The following MGST2 variants were observed in gnomAD, a reference collection of about 807,000 sequenced individuals.
The protein encoded by MGST2 is glutathione peroxidase MGST2.
MGST2 carries 9 observed loss-of-function variants against 16.6 expected under a neutral mutation model. The observed-to-expected ratio is 0.54, with a 90% CI of 0.33 to 0.95. The LOEUF (loss-of-function observed/expected upper bound fraction) is 0.95. MGST2 is among the 40% of genes least tolerant of loss of function. The pLI is 0.03. For synonymous variants in MGST2, 79 were observed against 68.0 expected, an observed-to-expected ratio of 1.16 and a Z score of -0.79; for missense variants, 159 against 175.1, an observed-to-expected ratio of 0.91 and a Z score of 0.52.
chr4:139,752,880 T>G, the MGST2 span, among the ~76,000 whole-genome samples: 2 of 152,196 alleles, frequency 1.3e-5, no homozygotes, highest in South Asian at 4.1e-4. Flanking sequence ...AGCTACTTCC[T>G]TGTGGTGACA....
rs200037455 is a variant in MGST2 at position 139,739,679 on chromosome 4, G to GTTTCTTTTTTTT, written c.*49-530_*49-529insCTTTTTTTTTTT. On this transcript the variant is annotated intron_variant, in intron 5 of 5. Transcript: ENST00000616265. ...TTAAGAAAGGCAGGGGAGGAAAGCA[G>GTTTCTTTTTTTT]TTTTTTTTTTTTTTTCTTTTATGTC... 7.6e-5 allele frequency among the ~76,000 whole-genome samples: 10 copies of GTTTCTTTTTTTT among 132,354 alleles called. 1 individual carries two copies. The highest frequency in any genetic ancestry group is 8.5e-5 in the African/African-American group (3 of 35,346). 86.8% of individuals were successfully genotyped at this position (132,354 alleles called of 152,430 possible).
chr4:139,748,174 A>G, the MGST2 span, among the ~76,000 whole-genome samples: 3 of 152,116 alleles, frequency 2.0e-5, no homozygotes, highest in South Asian at 6.2e-4. Flanking sequence ...AGATACCCAC[A>G]GGCTCTAAGA....
At chr4:139,734,653 A>G (rs1271013748) in intron 5 of MGST2, among the ~76,000 whole-genome samples, 3 of 152,266 alleles carry the variant, frequency 2.0e-5, no homozygotes. Flanking sequence ...TCCCCCAAAC[A>G]GGCAGTTTTC....
At chr4:139,716,293 G>A (rs1727955454) in intron 5 of MGST2, among the ~76,000 whole-genome samples, 2 of 152,204 alleles carry the variant, frequency 1.3e-5, no homozygotes, top group Non-Finnish European at 2.9e-5. Context: ...AAGTGGCCTG[G>A]TAGGAGTGGG....
At position 139,735,142 on chromosome 4, in the gene MGST2, A is replaced by T. The variant is rs1334539715; in HGVS notation, c.*49-5070A>T. Among the ~76,000 whole-genome samples the T allele has an allele frequency of 6.6e-6, 1 of 152,230 alleles. No individual in the cohort carries two copies. The highest frequency in any genetic ancestry group is 1.9e-4 in the East Asian group (1 of 5,184). On this transcript the variant is annotated intron_variant, in intron 5 of 5. Coordinates refer to the MGST2 transcript ENST00000616265. This position sits in a 1 kb window ranked among gnomAD's most constrained non-coding sequence, Gnocchi z 5.8. ...GCCAGGCAGTCAAGTGTTACTGCGT[A>T]CAGCAGGTAGCCTGGCAACTGAGAG...
At chr4:139,687,313 C>G (rs1731616208) in intron 2 of MGST2, among the ~76,000 whole-genome samples, 1 of 152,224 alleles carries the variant, frequency 6.6e-6, no homozygotes, top group African/African-American at 2.4e-5. Context: ...ATTTTCCCAG[C>G]CCTAGCCCAA....
intron 3 of MGST2, among the ~76,000 whole-genome samples, chr4:139,698,793 C>A (rs1427180468): frequency 2.0e-5 from 3 of 151,586 alleles, no homozygotes; most frequent in Non-Finnish European, 2.9e-5. Context: ...TTTTTCTTTT[C>A]TTATCTTTTC....
intron 3 of MGST2, among the ~76,000 whole-genome samples, chr4:139,702,843 G>GTTTTTTTTTTTTTTTTTTTT (rs1727325108): frequency 1.1e-4 from 3 of 27,604 alleles, no homozygotes; most frequent in Non-Finnish European, 2.5e-4. Flanking sequence ...TTGTGTTACT[G>GTTTTTTTTTTTTTTTTTTTT]GTTTTTTTTT....
At chr4:139,720,107 A>T (rs1728171342) in intron 5 of MGST2, 1 of 1,613,966 alleles carries the variant, frequency 6.2e-7, no homozygotes, top group African/African-American at 1.3e-5. Flanking sequence ...CATTTGGGTC[A>T]TGCCTGTGCT....
chr4:139,691,475 C>G (rs1702477677), intron 2 of MGST2, among the ~76,000 whole-genome samples: 1 of 152,102 alleles, frequency 6.6e-6, no homozygotes, highest in African/African-American at 2.4e-5. Context: ...TTGTGGGACA[C>G]CATCCAGGCC....
At chr4:139,676,365 C>T (rs565890757) in intron 1 of MGST2, among the ~76,000 whole-genome samples, 208 of 152,274 alleles carry the variant, frequency 1.4e-3, no homozygotes, top group Middle Eastern at 3.4e-3. Context: ...AATACACACA[C>T]TCACACATAG....
downstream of MGST2, among the ~76,000 whole-genome samples, chr4:139,744,771 C>T (rs1425469297): frequency 2.0e-5 from 3 of 152,100 alleles, no homozygotes; most frequent in Non-Finnish European, 4.4e-5. Context: ...CACGGAAAAG[C>T]TCAAAGATGA....
intron 2 of MGST2, among the ~76,000 whole-genome samples, chr4:139,686,052 T>G (rs2110847798): frequency 6.6e-6 from 1 of 152,340 alleles, no homozygotes; most frequent in South Asian, 2.1e-4. Context: ...CCAGTTTGTT[T>G]GGGGTGCAAC....
Position 139,735,099 on chromosome 4 carries a change from G to A in MGST2, c.*49-5113G>A, listed in dbSNP as rs530400620. On this transcript the variant is annotated intron_variant, in intron 5 of 5. Transcript: ENST00000616265. This position sits in a 1 kb window ranked among gnomAD's most constrained non-coding sequence, Gnocchi z 5.8. ...CGGCCCCCGCCCCGCGCGTCTGGGC[G>A]AGCGCTGCGAACGTGGAGCCAGGCA... Among the ~76,000 whole-genome samples, 14 of 152,314 alleles carry A rather than the reference G, an allele frequency of 9.2e-5. No individual in the cohort carries two copies. In the East Asian group the frequency reaches 1.6e-3, roughly 17 times the overall value.
rs112330014 is a variant in MGST2, at chr4:139,710,557, G to A, written c.*48+6361G>A. Among the ~76,000 whole-genome samples, 509 of 152,094 alleles carry A rather than the reference G, an allele frequency of 3.3e-3. 3 individuals are homozygous for A. The highest frequency in any genetic ancestry group is 0.031 in the Middle Eastern group (9 of 294). On this transcript the variant is annotated intron_variant, in intron 5 of 5. Transcript: ENST00000616265. The stretch of plus-strand genomic sequence containing the variant: ...TCCCCCTGTGCCCTCCCTCCACCCC[G>A]GAATCAGTTCATTTTCTCTCCCATG...
At chr4:139,697,718 T>C (rs1429288675) in intron 3 of MGST2, among the ~76,000 whole-genome samples, 6 of 152,186 alleles carry the variant, frequency 3.9e-5, no homozygotes, top group Non-Finnish European at 8.8e-5. Context: ...ACAACTCAGT[T>C]AGAAAAGTAT....
chr4:139,715,286 G>C lies in MGST2; in HGVS notation c.*48+11090G>C, dbSNP rs1469720680. On this transcript the variant is annotated intron_variant, in intron 5 of 5. Transcript: ENST00000616265. The surrounding 1 kb of genome is among the most constrained non-coding windows in gnomAD (Gnocchi z 4.4). ...TGCAGTCTATTTCCTTTGTGTTAGG[G>C]GGTGTCTCCCCAGTATCGTCCCATC... Among the ~76,000 whole-genome samples the C allele has an allele frequency of 2.0e-5, 3 of 152,146 alleles. No homozygotes were observed. The highest frequency in any genetic ancestry group is 2.9e-5 in the Non-Finnish European group (2 of 68,028).
chr4:139,754,356 C>G, the MGST2 span, among the ~76,000 whole-genome samples: 2 of 152,182 alleles, frequency 1.3e-5, no homozygotes, highest in Non-Finnish European at 2.9e-5. Context: ...AATGGGAAAG[C>G]AAAATCACTG....
At chr4:139,699,520 A>G (rs1197767102) in intron 3 of MGST2, among the ~76,000 whole-genome samples, 3 of 152,178 alleles carry the variant, frequency 2.0e-5, no homozygotes, top group African/African-American at 7.2e-5. Flanking sequence ...TTTCTGGGCT[A>G]TGTGATTCAT....
Sources: gnomAD v4.1 joint callset for allele counts (sites outside exome capture counted in the v4.1 genomes callset) on GRCh38, gnomAD v4.1.1 for gene constraint, Gnocchi (gnomAD v3.1) non-coding constraint, MANE v1.5 for transcripts, NCBI Gene and HGNC (gene_info 2026-07-23, HGNC 2026-07-21) for gene names.